The following COPG2 variants were observed in gnomAD, a reference collection of about 807,000 sequenced individuals.
COPG2 encodes the protein coat protein complex I subunit gamma 2.
A neutral mutation model predicts 46.3 loss-of-function variants in COPG2; 37 were observed. That is an observed-to-expected ratio of 0.80 (90% CI 0.61 to 1.05). The LOEUF (loss-of-function observed/expected upper bound fraction) is 1.05. COPG2 is among the 50% of genes least tolerant of loss of function. COPG2 has a pLI of 0.00. For synonymous variants in COPG2, 159 were observed against 129.7 expected (o/e 1.23, Z -1.53); for missense variants, 427 against 387.8 (o/e 1.10, Z -0.85).
At chr7:130,580,034 G>C (rs1260765307) in intron 9 of COPG2, among the ~76,000 whole-genome samples, 1 of 150,138 alleles carries the variant, frequency 6.7e-6, no homozygotes, top group Non-Finnish European at 1.5e-5. Context: ...CAAATCAACA[G>C]AATATACATT....
intron 20 of COPG2, among the ~76,000 whole-genome samples, chr7:130,528,600 C>T (rs1156668916): frequency 4.6e-5 from 7 of 151,768 alleles, no homozygotes; most frequent in East Asian, 1.9e-4. Flanking sequence ...GGGACAGTAC[C>T]GTGCTATGCA....
At chr7:130,589,642 A>G (rs1794357860) in intron 9 of COPG2, among the ~76,000 whole-genome samples, 1 of 152,188 alleles carries the variant, frequency 6.6e-6, no homozygotes, top group African/African-American at 2.4e-5. Context: ...CTACCAATTT[A>G]TATTCTCAGC....
Position 130,613,558 on chromosome 7 carries a change from G to T in COPG2, c.478C>A (p.Leu160Met). 1 of 1,592,496 alleles carries T rather than the reference G, an allele frequency of 6.3e-7. No homozygotes were observed. The highest frequency in any genetic ancestry group is 8.6e-7 in the Non-Finnish European group (1 of 1,166,410). ...DKVSSVSSSA[L>M]VSSLHMMKIS... Reference sequence around the variant, plus strand: ...TGTTCACTTACCAGGGAAGATACCAGTGCTGAACTGGATACACTGGAAACT... The same window carrying T: ...TGTTCACTTACCAGGGAAGATACCATTGCTGAACTGGATACACTGGAAACT... Residue 160 changes from leucine to methionine, a missense_variant, in exon 7 of 24, where the codon CTG (leucine) becomes ATG (methionine). Leu to Met is a conservative substitution (Grantham distance 15, BLOSUM62 2). Coordinates refer to ENST00000425248, the MANE Select transcript of COPG2 (RefSeq NM_012133.6).
At chr7:130,624,040 G>A (rs557482582) in intron 5 of COPG2, among the ~76,000 whole-genome samples, 6 of 152,054 alleles carry the variant, frequency 3.9e-5, no homozygotes, top group Non-Finnish European at 7.4e-5. Context: ...TCTGGTGACT[G>A]GCAAGGTCCT....
At chr7:130,633,821 G>T (rs138232548) in intron 5 of COPG2, among the ~76,000 whole-genome samples, 9 of 151,950 alleles carry the variant, frequency 5.9e-5, no homozygotes, top group African/African-American at 1.9e-4. Context: ...TGGTATTACC[G>T]AGGTTTTCTT....
chr7:130,536,972 C>T (rs1391735163), intron 20 of COPG2, among the ~76,000 whole-genome samples: 3 of 141,392 alleles, frequency 2.1e-5, no homozygotes, highest in African/African-American at 9.2e-5. Context: ...AAGACATGGG[C>T]CTTAAGGAGG....
intron 20 of COPG2, among the ~76,000 whole-genome samples, chr7:130,540,329 T>C (rs1421715133): frequency 2.0e-5 from 3 of 151,744 alleles, no homozygotes; most frequent in African/African-American, 7.3e-5. Context: ...AAATGGCTGG[T>C]TTTTAGGAAA....
intron 20 of COPG2, among the ~76,000 whole-genome samples, chr7:130,529,268 A>G: frequency 6.6e-6 from 1 of 152,176 alleles, no homozygotes; most frequent in Non-Finnish European, 1.5e-5. Flanking sequence ...ATTGACTTAG[A>G]AAGTGGCAGA....
intron 12 of COPG2, among the ~76,000 whole-genome samples, chr7:130,557,947 TA>T (rs1584972942): frequency 6.8e-6 from 1 of 147,880 alleles, no homozygotes; most frequent in African/African-American, 2.5e-5. Flanking sequence ...AGTATATGAA[TA>T]AACAGACCAA....
rs1554448378 is a variant in COPG2 at position 130,588,250 on chromosome 7, G to A, written c.737+22703C>T. Among the ~76,000 whole-genome samples the A allele has an allele frequency of 1.1e-4, 17 of 151,874 alleles. 1 individual carries two copies. Among genetic ancestry groups the A allele is most frequent in the Non-Finnish European group, 2.2e-4 (15 of 67,992 alleles). On this transcript the variant is annotated intron_variant, in intron 9 of 23. Coordinates refer to ENST00000425248, the MANE Select transcript of COPG2 (RefSeq NM_012133.6). ...GAAGTCAGTGTGGCGATTCCTCAGG[G>A]ATCTAGAATTAGAAATACCATTTGA... is the stretch of plus-strand genomic sequence containing the variant.
chr7:130,630,920 G>A (rs1275530268), intron 5 of COPG2, among the ~76,000 whole-genome samples: 3 of 152,118 alleles, frequency 2.0e-5, no homozygotes, highest in Admixed American at 2.0e-4. Context: ...GCTAATGCCT[G>A]TAGTTCCAAC....
intron 20 of COPG2, among the ~76,000 whole-genome samples, chr7:130,518,558 G>C (rs1458188473): frequency 6.6e-6 from 1 of 152,130 alleles, no homozygotes; most frequent in South Asian, 2.1e-4. Context: ...TGTGATTATC[G>C]ATGGAAGCTG....
chr7:130,661,612 A>T (rs1554460770), intron 4 of COPG2, among the ~76,000 whole-genome samples: 1 of 152,198 alleles, frequency 6.6e-6, no homozygotes, highest in Non-Finnish European at 1.5e-5. Context: ...CCAATGGTAA[A>T]GGGGCTACTA....
At chr7:130,577,425 C>G (rs1794021951) in intron 9 of COPG2, among the ~76,000 whole-genome samples, 1 of 152,158 alleles carries the variant, frequency 6.6e-6, no homozygotes, top group South Asian at 2.1e-4. Flanking sequence ...CCTGGAAAAT[C>G]GGGTCACTCC....
intron 9 of COPG2, among the ~76,000 whole-genome samples, chr7:130,591,736 C>T (rs1158791027): frequency 1.4e-5 from 2 of 143,904 alleles, no homozygotes; most frequent in African/African-American, 2.7e-5. Flanking sequence ...GTGGGGGGGT[C>T]AGCCCCCCGC....
intron 20 of COPG2, among the ~76,000 whole-genome samples, chr7:130,542,586 G>A (rs1793352026): frequency 1.3e-5 from 2 of 152,032 alleles, no homozygotes; most frequent in African/African-American, 2.4e-5. Flanking sequence ...GAGGTGGCAG[G>A]GCATGCAGGA....
chr7:130,607,771 T>G (rs1794762162), intron 9 of COPG2: 1 of 520,044 alleles, frequency 1.9e-6, no homozygotes. Context: ...TTGACCACTC[T>G]GTCCAGAAAT....
chr7:130,595,878 C>T (rs990903445), intron 9 of COPG2, among the ~76,000 whole-genome samples: 1 of 152,200 alleles, frequency 6.6e-6, no homozygotes, highest in Non-Finnish European at 1.5e-5. Flanking sequence ...ATCAGAACCA[C>T]CAGCAGTTGG....
At chr7:130,538,244 T>C (rs1799903191) in intron 20 of COPG2, among the ~76,000 whole-genome samples, 1 of 152,072 alleles carries the variant, frequency 6.6e-6, no homozygotes, top group African/African-American at 2.4e-5. Context: ...GAATTAAATG[T>C]GAACCTTGTG....
Sources: allele counts gnomAD v4.1 joint callset (sites outside exome capture counted in the v4.1 genomes callset), GRCh38; gene constraint gnomAD v4.1.1; transcripts MANE v1.5; gene names NCBI Gene and HGNC (gene_info 2026-07-23, HGNC 2026-07-21).